RSRC1: variants seen among roughly 807,000 people sequenced by gnomAD.
RSRC1 encodes arginine and serine rich coiled-coil 1.
Under a neutral mutation model 49.1 loss-of-function variants are expected in RSRC1, and 39 were observed. The ratio of observed to expected loss-of-function variants is 0.79; its 90% CI spans 0.61 to 1.04. RSRC1 has a LOEUF of 1.04. RSRC1 is among the 50% of genes least tolerant of loss of function. RSRC1 has a pLI of 0.00. For synonymous variants in RSRC1, 143 were observed against 130.8 expected (o/e 1.09, Z -0.63); for missense variants, 388 against 402.4 (o/e 0.96, Z 0.31).
chr3:158,341,576 TG>T, intron 5 of RSRC1, among the ~76,000 whole-genome samples: 1 of 152,340 alleles, frequency 6.6e-6, no homozygotes, highest in East Asian at 1.9e-4. Context: ...AACGCCTGGT[TG>T]CCCAGGCAAA....
At chr3:158,246,963 T>G (rs944852515) in intron 4 of RSRC1, among the ~76,000 whole-genome samples, 3 of 152,198 alleles carry the variant, frequency 2.0e-5, no homozygotes, top group African/African-American at 7.2e-5. Flanking sequence ...GATGATATCC[T>G]GAAGTATGTT....
intron 3 of RSRC1, among the ~76,000 whole-genome samples, chr3:158,155,045 C>T (rs1380228995): frequency 1.3e-5 from 2 of 151,814 alleles, no homozygotes; most frequent in Non-Finnish European, 2.9e-5. Flanking sequence ...GCCACCACAC[C>T]TGCAATGACT....
At chr3:158,190,658 ATTCATT>A (rs1236697510) in intron 3 of RSRC1, among the ~76,000 whole-genome samples, 1 of 139,648 alleles carries the variant, frequency 7.2e-6, no homozygotes, top group African/African-American at 2.7e-5. Flanking sequence ...TTTATATTTG[ATTCATT>A]TTCAAGTGTT....
rs550128936 is a variant in RSRC1, at chr3:158,280,253, C to T, written c.495-17786C>T. The stretch of plus-strand genomic sequence containing the variant: ...AGAAGGCTGTAGCGAGCGAGCATGA[C>T]AGTGGAATAAAATGAGAGAAGAATT... On this transcript the variant is annotated intron_variant, in intron 4 of 9. Coordinates refer to ENST00000611884, the MANE Select transcript of RSRC1 (RefSeq NM_001271838.2). 1.8e-4 allele frequency among the ~76,000 whole-genome samples: 28 copies of T among 152,176 alleles called. No homozygotes were observed. The East Asian group carries it at 3.1e-3, about 17-fold the overall frequency.
At chr3:158,287,915 AT>A (rs1726672410) in intron 4 of RSRC1, among the ~76,000 whole-genome samples, 1 of 152,202 alleles carries the variant, frequency 6.6e-6, no homozygotes, top group Non-Finnish European at 1.5e-5. Context: ...CTTGTAGCCC[AT>A]ATGGCAACTT....
intron 7 of RSRC1, among the ~76,000 whole-genome samples, chr3:158,528,867 T>A (rs1230499207): frequency 6.6e-6 from 1 of 151,966 alleles, no homozygotes; most frequent in Non-Finnish European, 1.5e-5. Flanking sequence ...CATAAGGCAG[T>A]AGTCTATATT....
chr3:158,194,037 T>C (rs1312527058), intron 3 of RSRC1, among the ~76,000 whole-genome samples: 1 of 146,450 alleles, frequency 6.8e-6, no homozygotes. Flanking sequence ...CTGGGCAAAA[T>C]AGTGAGACCC....
intron 3 of RSRC1, among the ~76,000 whole-genome samples, chr3:158,127,847 A>G (rs980577098): frequency 3.4e-5 from 5 of 144,952 alleles, no homozygotes; most frequent in African/African-American, 1.3e-4. Flanking sequence ...TCTTATGGGG[A>G]AAGTCCTTCA....
intron 4 of RSRC1, among the ~76,000 whole-genome samples, chr3:158,257,953 T>C (rs1251062759): frequency 6.6e-6 from 1 of 152,174 alleles, no homozygotes; most frequent in Non-Finnish European, 1.5e-5. Flanking sequence ...GTCCCCTTTC[T>C]TGCTTTTTAA....
At chr3:158,324,406 C>T (rs532598137) in intron 5 of RSRC1, among the ~76,000 whole-genome samples, 1 of 152,208 alleles carries the variant, frequency 6.6e-6, no homozygotes, top group Non-Finnish European at 1.5e-5. Context: ...CGACAGGCCC[C>T]GGTGTGTGAT....
At chr3:158,443,689 A>G in intron 6 of RSRC1, among the ~76,000 whole-genome samples, 1 of 152,182 alleles carries the variant, frequency 6.6e-6, no homozygotes, top group Non-Finnish European at 1.5e-5. Flanking sequence ...TCTATCAAGA[A>G]CTTTTCCTTT....
chr3:158,328,365 T>A (rs868730998), intron 5 of RSRC1, among the ~76,000 whole-genome samples: 5 of 152,224 alleles, frequency 3.3e-5, no homozygotes, highest in African/African-American at 1.2e-4. Context: ...TTGCAGTGGC[T>A]GGTACCGGTA....
intron 4 of RSRC1, among the ~76,000 whole-genome samples, chr3:158,284,641 C>T (rs1022053923): frequency 1.3e-5 from 2 of 149,024 alleles, no homozygotes; most frequent in African/African-American, 5.0e-5. Context: ...CTCTGATGGC[C>T]AGTGATGGTG....
At chr3:158,195,054 AT>A (rs1559937324) in intron 3 of RSRC1, among the ~76,000 whole-genome samples, 6 of 152,288 alleles carry the variant, frequency 3.9e-5, no homozygotes, top group Admixed American at 3.9e-4. Context: ...CTAGTTCTAG[AT>A]CCCTGAGGAA....
chr3:158,181,142 ATGG>A (rs1351735650), intron 3 of RSRC1, among the ~76,000 whole-genome samples: 1 of 152,160 alleles, frequency 6.6e-6, no homozygotes. Flanking sequence ...TAACTGATAC[ATGG>A]CTAGGGATGA....
rs555809060 is a variant in RSRC1, at chr3:158,220,745, C to T, written c.494+17500C>T. On this transcript the variant is annotated intron_variant, in intron 4 of 9. Transcript: ENST00000611884. ...TTAATCTGCCCATGAGGAATTCAAG[C>T]TGAATGATAGGGAGCTGTGAAAATC... Among the ~76,000 whole-genome samples the T allele has an allele frequency of 9.3e-4, 141 of 151,580 alleles. 3 individuals are homozygous for T. The South Asian group carries it at 0.028, about 30-fold the overall frequency.
intron 5 of RSRC1, among the ~76,000 whole-genome samples, chr3:158,312,894 A>G (rs1369261026): frequency 6.6e-6 from 1 of 152,156 alleles, no homozygotes; most frequent in Non-Finnish European, 1.5e-5. Flanking sequence ...TCCAGTCTTC[A>G]TGAAGGATGA....
chr3:158,542,083 T>C (rs575743219), intron 8 of RSRC1, among the ~76,000 whole-genome samples: 1 of 152,270 alleles, frequency 6.6e-6, no homozygotes, highest in East Asian at 1.9e-4. Context: ...CTTTTATATA[T>C]ATATTTTAAT....
In RSRC1 at chr3:158,336,490, A is replaced by C. The variant is rs148098042; in HGVS notation, c.532-18367A>C. The C allele has an allele frequency of 5.0e-3, 804 of 160,918 alleles. 6 individuals are homozygous for C. The highest frequency in any genetic ancestry group is 7.3e-3 in the Non-Finnish European group (530 of 72,810). 10.0% of individuals were successfully genotyped at this position (160,918 alleles called of 1,614,324 possible). ...ACACATTGGGGTCATTGCTGATGACACTGAAGCATCTGTAGGTCCCTGCCC... is the reference window on the plus strand; with the variant it reads ...ACACATTGGGGTCATTGCTGATGACCCTGAAGCATCTGTAGGTCCCTGCCC... On this transcript the variant is annotated intron_variant, in intron 5 of 9. Transcript: ENST00000611884.
Sources: allele counts gnomAD v4.1 joint callset (sites outside exome capture counted in the v4.1 genomes callset), GRCh38; gene constraint gnomAD v4.1.1; transcripts MANE v1.5; gene names NCBI Gene and HGNC (gene_info 2026-07-23, HGNC 2026-07-21).